The following TNS3 variants were observed in gnomAD, a reference collection of about 807,000 sequenced individuals.
The protein encoded by TNS3 is tensin 3.
TNS3 carries 45 observed loss-of-function variants against 140.9 expected under a neutral mutation model. The observed-to-expected ratio is 0.32, with a 90% confidence interval of 0.25 to 0.41. The LOEUF is 0.41. Among genes scored for constraint, TNS3 ranks in the 10% least tolerant of loss-of-function variants. The probability of loss-of-function intolerance (pLI) is 1.00; values close to 1 mark genes in which losing one functional copy is unlikely to be tolerated. For missense variants in TNS3, 1,716 were observed against 1,906.7 expected (o/e 0.90, Z 1.86); for synonymous variants, 815 against 788.4 (o/e 1.03, Z -0.56).
At chr7:47,424,051 T>G in intron 10 of TNS3, 50 bp downstream of exon 10, 1 of 1,570,298 alleles carries the variant, frequency 6.4e-7, no homozygotes, top group Non-Finnish European at 8.8e-7. Flanking sequence ...CATTTTTATA[T>G]GTAAAATTTC....
intron 1 of TNS3, chr7:47,539,489 C>T (rs768716543): frequency 1.3e-4 from 33 of 260,184 alleles, no homozygotes; most frequent in Non-Finnish European, 2.3e-4. Flanking sequence ...TCCCTGCCCC[C>T]GACTCTGACC....
chr7:47,493,583 C>G (rs1797891314), intron 3 of TNS3, among the ~76,000 whole-genome samples: 1 of 151,658 alleles, frequency 6.6e-6, no homozygotes, highest in African/African-American at 2.4e-5. Context: ...CTTTGGGAGG[C>G]CAAGGCGGGT....
intron 8 of TNS3, among the ~76,000 whole-genome samples, chr7:47,435,015 C>T (rs893697667): frequency 2.0e-5 from 3 of 152,198 alleles, no homozygotes; most frequent in African/African-American, 4.8e-5. Context: ...CTCTCATAAT[C>T]GTGGTCAATT....
intron 16 of TNS3, among the ~76,000 whole-genome samples, chr7:47,390,866 G>C (rs913975010): frequency 1.3e-5 from 2 of 152,154 alleles, no homozygotes; most frequent in African/African-American, 2.4e-5. Flanking sequence ...CTTAGCTGGG[G>C]AGTCCAGAAG....
rs1272214481 is a variant in TNS3, at chr7:47,346,191, T to C, written c.2447A>G (p.Lys816Arg). The change falls in exon 18 of 31, where the codon AAA becomes AGA. Residue 816 changes from lysine to arginine, a missense_variant. Around this residue, in one of 3 missense-constraint regions of TNS3, gnomAD observed 1,163 missense variants for 1,182.1 expected, o/e 0.98. Coordinates refer to ENST00000311160, the MANE Select transcript of TNS3 (RefSeq NM_022748.12). The stretch of plus-strand genomic sequence containing the variant: ...GGACCTGGCTGTGGCACATACCTCT[T>C]TGACGTCCGCTGGTGAGGGGAATGG... ...LPPFPSPADV[K>R]ETMTPGYPQD... 8 of 1,613,916 alleles carry C rather than the reference T, an allele frequency of 5.0e-6. No homozygotes were observed. Among genetic ancestry groups the C allele is most frequent in the African/African-American group, 1.3e-5 (1 of 74,940 alleles).
Position 47,277,858 on chromosome 7 carries a change from G to T in TNS3, c.*218C>A. 1.5e-6 allele frequency: 1 copy of T among 655,884 alleles called. No individual in the cohort carries two copies. Among genetic ancestry groups the T allele is most frequent in the Non-Finnish European group, 2.7e-6 (1 of 364,718 alleles). The allele number at this position is 655,884 out of a possible 1,614,324, so 40.6% of individuals were successfully genotyped here. ...GCTTCTTCTACCCAAAAAGCATGTG[G>T]CTACAGAGATGTGTCAGATAAGTCA... On this transcript the variant is annotated 3_prime_UTR_variant, in exon 31 of 31. Coordinates refer to ENST00000311160, the MANE Select transcript of TNS3 (RefSeq NM_022748.12).
intron 17 of TNS3, among the ~76,000 whole-genome samples, chr7:47,351,323 T>C (rs1562624558): frequency 6.6e-6 from 1 of 152,218 alleles, no homozygotes; most frequent in South Asian, 2.1e-4. Context: ...TGGACCAATA[T>C]GCTCAGAGGA....
Position 47,368,543 on chromosome 7 carries a change from C to A in TNS3, c.2103G>T (p.Gln701His). Residue 701 changes from glutamine (Q) to histidine (H), a missense_variant, in exon 17 of 31, where the codon CAG (glutamine) becomes CAT (histidine). Physicochemically the swap from Gln to His is conservative, Grantham distance 24. Transcript: ENST00000311160. The stretch of plus-strand genomic sequence containing the variant: ...CCAGCTCCAGGATCAGCCTGTTGAG[C>A]TGCTCGATGGACTGGTCGATGTCCA... ...PTLDIDQSIEQLNRLILELDP... is the reference protein window; with the variant it reads ...PTLDIDQSIEHLNRLILELDP... 1 of 1,581,352 alleles carries A rather than the reference C, an allele frequency of 6.3e-7. No homozygotes were observed. The highest frequency in any genetic ancestry group is 8.6e-7 in the Non-Finnish European group (1 of 1,159,024).
chr7:47,577,599 A>AAC (rs1800704473), intron 1 of TNS3, among the ~76,000 whole-genome samples: 2 of 152,170 alleles, frequency 1.3e-5, no homozygotes, highest in South Asian at 4.1e-4. Flanking sequence ...GTATCCTCAC[A>AAC]ACACACACAA....
At chr7:47,576,708 C>T (rs1800683836) in intron 1 of TNS3, among the ~76,000 whole-genome samples, 1 of 152,208 alleles carries the variant, frequency 6.6e-6, no homozygotes, top group African/African-American at 2.4e-5. Context: ...ACTCTCCTGC[C>T]CGCCTGCCCT....
chr7:47,370,443 C>T (rs908500328), intron 16 of TNS3, among the ~76,000 whole-genome samples: 3 of 152,208 alleles, frequency 2.0e-5, no homozygotes, highest in Non-Finnish European at 4.4e-5. Context: ...ACACTTGAGG[C>T]TGACCTGCAT....
At chr7:47,319,683 A>G in intron 20 of TNS3, among the ~76,000 whole-genome samples, 1 of 152,176 alleles carries the variant, frequency 6.6e-6, no homozygotes, top group Non-Finnish European at 1.5e-5. Flanking sequence ...TATGTGGCAG[A>G]TTTCAATGGA....
chr7:47,355,252 C>T (rs1789926404), intron 17 of TNS3, among the ~76,000 whole-genome samples: 1 of 152,246 alleles, frequency 6.6e-6, no homozygotes, highest in South Asian at 2.1e-4. Context: ...CAGGAGGACG[C>T]TCAGTCATTC....
intron 28 of TNS3, among the ~76,000 whole-genome samples, chr7:47,280,893 A>C (rs1785111241): frequency 6.6e-6 from 1 of 151,916 alleles, no homozygotes; most frequent in African/African-American, 2.4e-5. Flanking sequence ...AGCTTGGGCG[A>C]CAGAGTGAGA....
intron 20 of TNS3, among the ~76,000 whole-genome samples, chr7:47,331,229 A>G (rs558066438): frequency 6.6e-6 from 1 of 152,310 alleles, no homozygotes; most frequent in South Asian, 2.1e-4. Flanking sequence ...CTCTGCCCCA[A>G]TAAAACAAAA....
At chr7:47,344,271 G>A (rs889974864) in intron 20 of TNS3, among the ~76,000 whole-genome samples, 8 of 152,140 alleles carry the variant, frequency 5.3e-5, no homozygotes, top group African/African-American at 1.9e-4. Flanking sequence ...GACGCGATCA[G>A]GCCATGGACA....
intron 25 of TNS3, 23 bp from the exon 26 acceptor site, chr7:47,292,928 AC>A: frequency 6.2e-7 from 1 of 1,609,466 alleles, no homozygotes; most frequent in Non-Finnish European, 8.5e-7. Flanking sequence ...CAGACAGCAA[AC>A]AAGAGTCAAC....
rs1413030614 is a variant in TNS3 at position 47,297,180 on chromosome 7, G to A, written c.3578C>T (p.Ser1193Leu). Residue 1193 changes from serine (S) to leucine (L), a missense_variant, in exon 24 of 31, where the codon TCA (serine) becomes TTA (leucine). Coordinates refer to ENST00000311160, the MANE Select transcript of TNS3 (RefSeq NM_022748.12). ...GGAATGGCTGTCTCGAACAATGAATGAGCCCGGCTCCTTGTCCTTCAACAT... is the reference window on the plus strand; with the variant it reads ...GGAATGGCTGTCTCGAACAATGAATAAGCCCGGCTCCTTGTCCTTCAACAT... ...IAMLKDKEPG[S>L]FIVRDSHSFR... The A allele has an allele frequency of 1.2e-6, 2 of 1,613,692 alleles. No homozygotes were observed. Among genetic ancestry groups the A allele is most frequent in the Non-Finnish European group, 1.7e-6 (2 of 1,179,926 alleles).
chr7:47,415,887 G>A (rs1254016955), intron 10 of TNS3, among the ~76,000 whole-genome samples: 2 of 152,196 alleles, frequency 1.3e-5, no homozygotes, highest in Non-Finnish European at 2.9e-5. Context: ...TGGTCAAGAG[G>A]GAAGCTTCTA....
Sources: allele counts gnomAD v4.1 joint callset (sites outside exome capture counted in the v4.1 genomes callset), GRCh38; gene constraint gnomAD v4.1.1; regional missense constraint gnomAD v4.1.1; transcripts MANE v1.5; gene names NCBI Gene and HGNC (gene_info 2026-07-23, HGNC 2026-07-21).